TAAR9: variants seen among roughly 807,000 people sequenced by gnomAD.
The protein encoded by TAAR9 is trace amine associated receptor 9.
For missense variants in TAAR9, 453 were observed against 409.4 expected (o/e 1.11, Z -0.92); for synonymous variants, 162 against 152.6 (o/e 1.06, Z -0.45).
At chr6:132,539,076 G>C in exon 1 of TAAR9, 1 of 1,535,696 alleles carries the variant, frequency 6.5e-7, no homozygotes. Flanking sequence ...CTTGGGAATT[G>C]CTATGGCAGC....
chr6:132,538,572 GAGA>G lies in TAAR9; in HGVS notation c.284_286del (p.Glu95_Ser96delinsGly), dbSNP rs779956901. ...GCCCTTCAGCACAGTGAGGTCTGTG[GAGA>G]GCTGTTGGTACTTTGGGGACAGTTA... On this transcript the variant is annotated inframe_deletion, in exon 1 of 1. Coordinates refer to ENST00000434551, the Ensembl canonical transcript of TAAR9. The G allele has an allele frequency of 1.2e-3, 1,989 of 1,595,692 alleles. 37 individuals are homozygous for G. The South Asian group carries it at 0.021, about 17-fold the overall frequency.
rs1776262972 is a variant in TAAR9, at chr6:132,539,328, AC to A, written c.1040del (p.Thr347LysfsTer?). ...TAATTTATTTTCTGAAGAAGTAGAG[AC>A]AGATTAAAAACATTACTGTAGAGAC... On this transcript the variant is annotated frameshift_variant, in exon 1 of 1. Coordinates refer to ENST00000434551, the Ensembl canonical transcript of TAAR9. LOFTEE classifies it high-confidence loss of function. The A allele has an allele frequency of 6.2e-7, 1 of 1,601,436 alleles. No individual in the cohort carries two copies. The highest frequency in any genetic ancestry group is 8.5e-7 in the Non-Finnish European group (1 of 1,175,588).
chr6:132,539,038 C>G, exon 1 of TAAR9: 2 of 1,528,528 alleles, frequency 1.3e-6, no homozygotes, highest in Non-Finnish European at 1.7e-6. Context: ...GAAAGAGTAG[C>G]AAAAAGAGAG....
exon 1 of TAAR9, chr6:132,538,606 A>C: frequency 6.3e-7 from 1 of 1,587,988 alleles, no homozygotes; most frequent in African/African-American, 1.4e-5. Flanking sequence ...AGTTACTGTA[A>C]ATTCCATACA....
exon 1 of TAAR9, chr6:132,538,914 C>T (rs747317952): frequency 6.3e-7 from 1 of 1,596,108 alleles, no homozygotes; most frequent in South Asian, 1.1e-5. Flanking sequence ...ATTCTTTATA[C>T]CCAATGTCGC....
chr6:132,538,441 T>C, exon 1 of TAAR9: 1 of 1,613,586 alleles, frequency 6.2e-7, no homozygotes, highest in Non-Finnish European at 8.5e-7. Context: ...TTTGGAAACT[T>C]ACTGGTCATG....
exon 1 of TAAR9, chr6:132,538,786 C>T (rs1243897152): frequency 1.9e-6 from 3 of 1,613,816 alleles, no homozygotes; most frequent in African/African-American, 1.3e-5. Flanking sequence ...TACAGCTTTT[C>T]GATCTTTTAC....
chr6:132,538,926 A>G (rs773239343), exon 1 of TAAR9: 61 of 1,587,210 alleles, frequency 3.8e-5, no homozygotes, highest in Middle Eastern at 1.7e-4. Context: ...CAATGTCGCC[A>G]TGGTGTTTAT....
exon 1 of TAAR9, chr6:132,539,007 T>A: frequency 6.5e-7 from 1 of 1,531,630 alleles, no homozygotes; most frequent in African/African-American, 1.4e-5. Flanking sequence ...CCAAGCTCAG[T>A]CCTCCTCAGA....
chr6:132,538,875 C>A, exon 1 of TAAR9: 1 of 1,612,620 alleles, frequency 6.2e-7, no homozygotes, highest in South Asian at 1.1e-5. Flanking sequence ...TCCACTGAAT[C>A]AAAACTGGGT....
chr6:132,538,679 A>G, exon 1 of TAAR9: 2 of 1,612,412 alleles, frequency 1.2e-6, no homozygotes, highest in Non-Finnish European at 1.7e-6. Flanking sequence ...CTGTTGATAG[A>G]TACATTGCTG....
exon 1 of TAAR9, chr6:132,538,683 A>G (rs1162584760): frequency 1.2e-6 from 2 of 1,612,488 alleles, no homozygotes; most frequent in Admixed American, 3.3e-5. Flanking sequence ...TGATAGATAC[A>G]TTGCTGTTAC....
At chr6:132,539,253 A>C (rs1178497143) in exon 1 of TAAR9, 2 of 1,613,058 alleles carry the variant, frequency 1.2e-6, no homozygotes, top group Admixed American at 3.3e-5. Flanking sequence ...TGGGAAGGCA[A>C]TAAAACTTAT....
chr6:132,538,406 TG>T lies in TAAR9; in HGVS notation c.119del (p.Gly40ValfsTer15). On this transcript the variant is annotated frameshift_variant, in exon 1 of 1. Transcript: ENST00000434551. LOFTEE classifies it low-confidence loss of function (END_TRUNC). The stretch of plus-strand genomic sequence containing the variant: ...CTCGATCTATCCTCTACGCCGTCCT[TG>T]GTTTTGGGGCTGTGCTGGCAGCGTT... 1 of 1,613,814 alleles carries T rather than the reference TG, an allele frequency of 6.2e-7. No homozygotes were observed.
chr6:132,538,587 T>C lies in TAAR9; in HGVS notation c.298T>C (p.Phe100Leu), dbSNP rs202043495. The C allele has an allele frequency of 4.8e-5, 76 of 1,588,444 alleles. No homozygotes were observed. In the African/African-American group the frequency reaches 9.2e-4, roughly 19 times the overall value. The change falls in exon 1 of 1, where the codon TTT becomes CTT. Residue 100 changes from phenylalanine (F) to leucine (L), a missense_variant. Phe to Leu is a conservative substitution (Grantham distance 22). Transcript: ENST00000434551. The stretch of plus-strand genomic sequence containing the variant: ...GAGGTCTGTGGAGAGCTGTTGGTAC[T>C]TTGGGGACAGTTACTGTAAATTCCA...
exon 1 of TAAR9, chr6:132,538,356 A>T (rs1011420038): frequency 1.2e-6 from 2 of 1,613,602 alleles, no homozygotes; most frequent in African/African-American, 1.3e-5. Context: ...CGAATCCTGC[A>T]TTAAAACTCC....
At chr6:132,538,408 G>A in exon 1 of TAAR9, 1 of 1,613,738 alleles carries the variant, frequency 6.2e-7, no homozygotes, top group Non-Finnish European at 8.5e-7. Context: ...GCCGTCCTTG[G>A]TTTTGGGGCT....
chr6:132,539,153 T>A (rs1264408297), exon 1 of TAAR9: 5 of 1,579,186 alleles, frequency 3.2e-6, no homozygotes, highest in Non-Finnish European at 3.4e-6. Flanking sequence ...ATTTTATAAC[T>A]CCTCCTTATG....
chr6:132,538,295 G>A (rs768040688), exon 1 of TAAR9: 22 of 1,579,452 alleles, frequency 1.4e-5, no homozygotes, highest in Non-Finnish European at 1.9e-5. Context: ...AAGCAATGGT[G>A]AACAATTTCT....
Sources: gnomAD v4.1 joint callset for allele counts on GRCh38, gnomAD v4.1.1 for gene constraint, MANE v1.5 for transcripts, NCBI Gene and HGNC (gene_info 2026-07-23, HGNC 2026-07-21) for gene names.